The following MALRD1 variants were observed in gnomAD, a reference collection of about 807,000 sequenced individuals.
MALRD1 encodes the protein MAM and LDL-receptor class A domain-containing protein 1.
Under a neutral mutation model 242.1 loss-of-function variants are expected in MALRD1, and 247 were observed. That is an observed-to-expected ratio of 1.02 (90% CI 0.92 to 1.13). The LOEUF is 1.13. MALRD1 is among the 50% of genes most tolerant of loss of function. The probability of loss-of-function intolerance (pLI) is 0.00; values close to 1 mark genes in which losing one functional copy is unlikely to be tolerated. For missense variants in MALRD1, 2,989 were observed against 2,533.1 expected (o/e 1.18, Z -3.86); for synonymous variants, 995 against 866.6 (o/e 1.15, Z -2.60).
At chr10:19,680,947 C>T (rs187270378) in intron 36 of MALRD1, among the ~76,000 whole-genome samples, 1 of 152,242 alleles carries the variant, frequency 6.6e-6, no homozygotes, top group East Asian at 1.9e-4. Context: ...AAATTATTGT[C>T]TTTAAGAATG....
At chr10:19,139,533 A>G (rs1393432128) in intron 10 of MALRD1, among the ~76,000 whole-genome samples, 1 of 152,200 alleles carries the variant, frequency 6.6e-6, no homozygotes, top group Non-Finnish European at 1.5e-5. Flanking sequence ...CTGGAGAATG[A>G]GTAAATATGA....
intron 29 of MALRD1, among the ~76,000 whole-genome samples, chr10:19,485,156 AG>A (rs1333068206): frequency 1.3e-5 from 2 of 152,298 alleles, no homozygotes; most frequent in South Asian, 2.1e-4. Context: ...AGTGGCATAA[AG>A]AACATTGGAA....
chr10:19,460,310 G>A (rs1203727448), intron 29 of MALRD1, among the ~76,000 whole-genome samples: 1 of 152,084 alleles, frequency 6.6e-6, no homozygotes, highest in Non-Finnish European at 1.5e-5. Context: ...ACATCTAGTT[G>A]AGCCAAACAT....
At chr10:19,341,514 G>A (rs1384677742) in intron 24 of MALRD1, among the ~76,000 whole-genome samples, 1 of 129,180 alleles carries the variant, frequency 7.7e-6, no homozygotes, top group Non-Finnish European at 1.7e-5. Context: ...ATATATATGT[G>A]TGTATATATG....
At chr10:19,391,889 G>A (rs1241513284) in intron 28 of MALRD1, among the ~76,000 whole-genome samples, 1 of 152,214 alleles carries the variant, frequency 6.6e-6, no homozygotes, top group African/African-American at 2.4e-5. Context: ...GCAAAAAAGT[G>A]GTGGCCTCCC....
At chr10:19,400,398 C>T (rs1264279696) in intron 28 of MALRD1, among the ~76,000 whole-genome samples, 1 of 152,124 alleles carries the variant, frequency 6.6e-6, no homozygotes, top group East Asian at 1.9e-4. Context: ...TGTCTCCTGG[C>T]ACTGCTATGC....
rs549901377 is a variant in MALRD1 at position 19,595,045 on chromosome 10, A to G, written c.5681-149A>G. On this transcript the variant is annotated intron_variant, in intron 33 of 39. Coordinates refer to ENST00000454679, the MANE Select transcript of MALRD1 (RefSeq NM_001142308.3). ...AGGTATATTCTTGAATCAGGTTTGTAGGCATCATATTAATCCTAATTAGAA... is the reference window on the plus strand; with the variant it reads ...AGGTATATTCTTGAATCAGGTTTGTGGGCATCATATTAATCCTAATTAGAA... The G allele has an allele frequency of 7.4e-5, 53 of 712,326 alleles. 2 individuals are homozygous for G. In the South Asian group the frequency reaches 1.3e-3, roughly 17 times the overall value. The allele number at this position is 712,326 out of a possible 1,614,324, so 44.1% of individuals were successfully genotyped here. A position where few individuals can be genotyped will look rare whatever the true frequency, so the allele number is the denominator to read the frequency against.
intron 21 of MALRD1, among the ~76,000 whole-genome samples, chr10:19,319,159 C>G (rs1275055565): frequency 6.6e-6 from 1 of 151,932 alleles, no homozygotes; most frequent in African/African-American, 2.4e-5. Flanking sequence ...TGAATGCAGT[C>G]TCTTTTTTTC....
At chr10:19,085,455 C>T (rs1835638089) in intron 2 of MALRD1, among the ~76,000 whole-genome samples, 1 of 151,834 alleles carries the variant, frequency 6.6e-6, no homozygotes, top group South Asian at 2.1e-4. Flanking sequence ...CAGATATTGC[C>T]ACTGGGTGCA....
At position 19,283,074 on chromosome 10, in the gene MALRD1, C is replaced by T; in HGVS notation, c.3312C>T (p.Ile1104=). 1.3e-6 allele frequency: 2 copies of T among 1,550,036 alleles called. No homozygotes were observed. The highest frequency in any genetic ancestry group is 1.7e-6 in the Non-Finnish European group (2 of 1,146,608). The change falls in exon 21 of 40, where the codon ATC becomes ATT. Residue 1104 remains isoleucine (I), a synonymous_variant. Transcript: ENST00000454679. The part of the protein sequence containing the change: ...KRSLCKWYQP[I]PVHLLQDSNT... ...GCCTGTGTAAATGGTATCAACCAAT[C>T]CCAGTACATTTGCTTCAAGATTCAA...
At chr10:19,608,933 T>C (rs1020331466) in intron 35 of MALRD1, among the ~76,000 whole-genome samples, 4 of 152,058 alleles carry the variant, frequency 2.6e-5, no homozygotes, top group African/African-American at 9.7e-5. Context: ...TTATTTTCTT[T>C]CCAGAGAGTA....
intron 33 of MALRD1, among the ~76,000 whole-genome samples, chr10:19,584,202 G>C (rs1242387566): frequency 4.0e-5 from 6 of 151,818 alleles, no homozygotes; most frequent in Admixed American, 3.3e-4. Context: ...TTTTTTGAAG[G>C]GTTTTTTGTG....
intron 4 of MALRD1, among the ~76,000 whole-genome samples, chr10:19,096,955 T>A (rs1383199947): frequency 6.6e-6 from 1 of 152,196 alleles, no homozygotes; most frequent in Non-Finnish European, 1.5e-5. Flanking sequence ...TTGAAGCAGG[T>A]TAACTTCTGA....
chr10:19,465,582 GTA>G (rs1338701295), intron 29 of MALRD1, among the ~76,000 whole-genome samples: 5 of 152,114 alleles, frequency 3.3e-5, no homozygotes, highest in Non-Finnish European at 5.9e-5. Flanking sequence ...CCAGGCTGAA[GTA>G]TAATAGCACG....
intron 39 of MALRD1, among the ~76,000 whole-genome samples, chr10:19,731,345 T>C (rs1045845950): frequency 3.3e-5 from 5 of 151,008 alleles, no homozygotes; most frequent in Middle Eastern, 3.4e-3. Flanking sequence ...CTTTTTTAGA[T>C]TTTTTATATT....
intron 21 of MALRD1, among the ~76,000 whole-genome samples, chr10:19,294,260 A>G (rs1337013541): frequency 6.6e-6 from 1 of 152,206 alleles, no homozygotes; most frequent in Admixed American, 6.5e-5. Flanking sequence ...AAGAATTGTT[A>G]TAATTGCCCC....
At chr10:19,282,800 T>C (rs1840881193) in intron 20 of MALRD1, among the ~76,000 whole-genome samples, 1 of 119,070 alleles carries the variant, frequency 8.4e-6, no homozygotes, top group East Asian at 2.0e-4. Context: ...AGTATATGTA[T>C]TTTTTCCTAT....
At chr10:19,135,342 G>C (rs929411439) in intron 9 of MALRD1, among the ~76,000 whole-genome samples, 30 of 152,108 alleles carry the variant, frequency 2.0e-4, no homozygotes, top group African/African-American at 7.0e-4. Flanking sequence ...TTTTAGTAGA[G>C]ATGGGTTTTA....
At chr10:19,604,279 G>A (rs897361574) in intron 34 of MALRD1, among the ~76,000 whole-genome samples, 2 of 152,160 alleles carry the variant, frequency 1.3e-5, no homozygotes, top group African/African-American at 4.8e-5. Flanking sequence ...GGAACTCAGA[G>A]GAGCAGGGTT....
Sources: allele counts gnomAD v4.1 joint callset (sites outside exome capture counted in the v4.1 genomes callset), GRCh38; gene constraint gnomAD v4.1.1; transcripts MANE v1.5; gene names NCBI Gene and HGNC (gene_info 2026-07-23, HGNC 2026-07-21).